Variants in ACACA observed in about 807,000 individuals in gnomAD.
ACACA encodes the protein acetyl-CoA carboxylase alpha.
ACACA carries 103 observed loss-of-function variants against 296.1 expected under a neutral mutation model. The ratio of observed to expected loss-of-function variants is 0.35; its 90% confidence interval spans 0.30 to 0.41. The LOEUF (loss-of-function observed/expected upper bound fraction) is 0.41, where lower values mean the gene tolerates loss of function less well. Ranked by LOEUF, ACACA falls within the 10% of genes least tolerant of loss-of-function variation. ACACA has a pLI of 1.00. For missense variants in ACACA, 1,554 were observed against 2,989.7 expected, an observed-to-expected ratio of 0.52 and a Z score of 11.20; for synonymous variants, 953 against 1,038.6, an observed-to-expected ratio of 0.92 and a Z score of 1.58.
In ACACA at chr17:37,210,505, C is replaced by G; in HGVS notation, c.3684-15G>C. On this transcript the variant is annotated splice_polypyrimidine_tract_variant and intron_variant, in intron 29 of 55. Coordinates refer to ENST00000616317, the MANE Select transcript of ACACA (RefSeq NM_198834.3). Reference sequence around the variant, plus strand: ...GGATGTTCCCTCTGTAATTAAACAACCACAGTTAGTTACTGATAAGTTAGT... The same window carrying G: ...GGATGTTCCCTCTGTAATTAAACAAGCACAGTTAGTTACTGATAAGTTAGT... The G allele has an allele frequency of 6.2e-7, 1 of 1,609,988 alleles. No homozygotes were observed.
In ACACA at chr17:37,274,175, C is replaced by T. The variant is rs2082179785; in HGVS notation, c.1008+18G>A. The T allele has an allele frequency of 6.3e-7, 1 of 1,597,992 alleles. No individual in the cohort carries two copies. The highest frequency in any genetic ancestry group is 1.7e-5 in the Admixed American group (1 of 59,982). On this transcript the variant is annotated intron_variant, in intron 9 of 55. Transcript: ENST00000616317. ...CTGGTCAGCTGAAAGGTATCACTCC[C>T]TGGAGTTAGTAACCTACCTGTAGCC... is the stretch of plus-strand genomic sequence containing the variant.
chr17:37,382,241 A>C (rs1338425780), intron 1 of ACACA, among the ~76,000 whole-genome samples: 2 of 152,040 alleles, frequency 1.3e-5, no homozygotes, highest in East Asian at 3.9e-4. Flanking sequence ...GCATATCCAC[A>C]CTGGGGGAGA....
intron 3 of ACACA, among the ~76,000 whole-genome samples, chr17:37,323,440 T>A (rs934331783): frequency 6.6e-6 from 1 of 152,156 alleles, no homozygotes; most frequent in Non-Finnish European, 1.5e-5. Context: ...AAAAAAATTT[T>A]AAAAATTAGC....
intron 1 of ACACA, among the ~76,000 whole-genome samples, chr17:37,390,317 T>TAG (rs2050803336): frequency 2.0e-5 from 1 of 51,070 alleles, no homozygotes; most frequent in South Asian, 6.2e-4. Flanking sequence ...TATATATATA[T>TAG]ATATATATAT....
Position 37,206,800 on chromosome 17 carries a change from G to A in ACACA, c.3931C>T (p.Leu1311Phe), listed in dbSNP as rs1216816898. The A allele has an allele frequency of 6.2e-7, 1 of 1,611,524 alleles. No homozygotes were observed. The highest frequency in any genetic ancestry group is 1.3e-5 in the African/African-American group (1 of 74,854). Reference protein sequence around the residue: ...PTFPEAGHTSLYDEDKVPRDE... With the variant: ...PTFPEAGHTSFYDEDKVPRDE... ...CATTATACCTTATCCTCATCATAAA[G>A]AGACGTGTGACCTGCCTCAGGGAAT... is the stretch of plus-strand genomic sequence containing the variant. The change falls in exon 32 of 56, where the codon CTT becomes TTT. Residue 1311 changes from leucine (L) to phenylalanine (F), a missense_variant. By Grantham distance (22) the Leu-to-Phe change is conservative. Transcript: ENST00000616317.
At chr17:37,192,515 A>T (rs1312604034) in intron 36 of ACACA, among the ~76,000 whole-genome samples, 1 of 152,192 alleles carries the variant, frequency 6.6e-6, no homozygotes, top group Admixed American at 6.5e-5. Flanking sequence ...TTATAGGATG[A>T]TATTCCTAAA....
intron 17 of ACACA, 102 bp from the exon 18 acceptor site, chr17:37,248,258 G>A: frequency 1.4e-6 from 2 of 1,441,292 alleles, no homozygotes; most frequent in Non-Finnish European, 1.9e-6. Context: ...CTGTCAGGAG[G>A]AAGAAAATTC....
chr17:37,371,626 C>T (rs1315357489), intron 1 of ACACA, among the ~76,000 whole-genome samples: 1 of 151,904 alleles, frequency 6.6e-6, no homozygotes, highest in Non-Finnish European at 1.5e-5. Flanking sequence ...GCGGCCAGGC[C>T]GAGTAGCTCA....
At chr17:37,208,494 T>C (rs2078608152) in intron 30 of ACACA, among the ~76,000 whole-genome samples, 1 of 152,224 alleles carries the variant, frequency 6.6e-6, no homozygotes, top group Non-Finnish European at 1.5e-5. Context: ...AAATTGCACG[T>C]TTTTCTTTTC....
At chr17:37,294,371 A>C (rs1193375033) in intron 3 of ACACA, among the ~76,000 whole-genome samples, 1 of 152,230 alleles carries the variant, frequency 6.6e-6, no homozygotes, top group Non-Finnish European at 1.5e-5. Flanking sequence ...AGACTTATTT[A>C]CTTAATTTTT....
At chr17:37,357,889 T>C (rs1307133753) in intron 1 of ACACA, among the ~76,000 whole-genome samples, 2 of 152,032 alleles carry the variant, frequency 1.3e-5, no homozygotes, top group Non-Finnish European at 2.9e-5. Context: ...GAAAAGACCA[T>C]GTAACCAAAG....
rs1367691194 is a variant in ACACA at position 37,217,748 on chromosome 17, A to AC, written c.3683+3975_3683+3976insG. ...AGACTCCATCTCAAAAAAAAAAAAA[A>AC]AAAAAAAAAAAAAAAACAACCTGTT... On this transcript the variant is annotated intron_variant, in intron 29 of 55. Coordinates refer to ENST00000616317, the MANE Select transcript of ACACA (RefSeq NM_198834.3). Among the ~76,000 whole-genome samples the AC allele has an allele frequency of 7.5e-3, 1,070 of 143,134 alleles. 47 individuals carry two copies. Among genetic ancestry groups the AC allele is most frequent in the African/African-American group, 0.024 (893 of 37,366 alleles). The allele number at this position is 143,134 out of a possible 152,430, so 93.9% of individuals were successfully genotyped here.
At chr17:37,392,771 G>C (rs992910912) in intron 1 of ACACA, 4 of 152,052 alleles carry the variant, frequency 2.6e-5, no homozygotes, top group Non-Finnish European at 4.4e-5. Flanking sequence ...CCTAAGGCTC[G>C]ATTTAATATT....
At chr17:37,161,709 C>T in intron 42 of ACACA, 72 bp downstream of exon 42, 1 of 1,564,720 alleles carries the variant, frequency 6.4e-7, no homozygotes, top group Non-Finnish European at 8.7e-7. Context: ...AACCTCTACC[C>T]TTCCCCCACC....
At chr17:37,104,131 G>A (rs1208434535) in intron 52 of ACACA, among the ~76,000 whole-genome samples, 2 of 152,112 alleles carry the variant, frequency 1.3e-5, no homozygotes, top group East Asian at 1.9e-4. Flanking sequence ...AAAAGAAATT[G>A]TAAAAAAAAT....
chr17:37,389,645 C>T (rs924566436), intron 1 of ACACA, among the ~76,000 whole-genome samples: 1 of 151,658 alleles, frequency 6.6e-6, no homozygotes, highest in Admixed American at 6.6e-5. Flanking sequence ...CGAGATTGTG[C>T]CATTGTACTC....
intron 3 of ACACA, 40 bp downstream of exon 3, chr17:37,330,133 A>C (rs200026197): frequency 3.3e-5 from 53 of 1,612,568 alleles, no homozygotes; most frequent in East Asian, 2.2e-5. Context: ...CAAAACTAAC[A>C]AGACAGATTA....
intron 3 of ACACA, chr17:37,299,248 A>G: frequency 6.2e-7 from 1 of 1,603,352 alleles, no homozygotes; most frequent in Non-Finnish European, 8.5e-7. Context: ...AAAGATATAT[A>G]TATTACCCAA....
At chr17:37,148,193 A>G (rs1245503189) in intron 45 of ACACA, among the ~76,000 whole-genome samples, 5 of 151,708 alleles carry the variant, frequency 3.3e-5, no homozygotes, top group African/African-American at 1.2e-4. Flanking sequence ...GGCATTCATC[A>G]ATATCTCATC....
Sources: gnomAD v4.1 joint callset for allele counts (sites outside exome capture counted in the v4.1 genomes callset) on GRCh38, gnomAD v4.1.1 for gene constraint, MANE v1.5 for transcripts, NCBI Gene and HGNC (gene_info 2026-07-23, HGNC 2026-07-21) for gene names.